The following VAV3 variants were observed in gnomAD, a reference collection of about 807,000 sequenced individuals.
The protein encoded by VAV3 is guanine nucleotide exchange factor VAV3.
A neutral mutation model predicts 131.2 loss-of-function variants in VAV3; 94 were observed. That is an observed-to-expected ratio of 0.72 (90% CI 0.61 to 0.85). VAV3 has a LOEUF of 0.85. VAV3 is among the 40% of genes least tolerant of loss of function. The pLI is 0.00. For missense variants in VAV3, 939 were observed against 1,002.7 expected (o/e 0.94, Z 0.86); for synonymous variants, 349 against 342.0 (o/e 1.02, Z -0.22).
rs72977607 is a variant in VAV3, at chr1:107,684,895, T to C, written c.1732-1362A>G. Among the ~76,000 whole-genome samples the C allele has an allele frequency of 3.9e-3, 590 of 152,324 alleles. 7 individuals are homozygous for C. Among genetic ancestry groups the C allele is most frequent in the African/African-American group, 0.013 (557 of 41,562 alleles). On this transcript the variant is annotated intron_variant, in intron 18 of 26. Coordinates refer to ENST00000370056, the MANE Select transcript of VAV3 (RefSeq NM_006113.5). ...CTGAAATTTTATAATTTAGAGGAAC[T>C]CTATATAAACAACATCGAACAACAC...
intron 2 of VAV3, among the ~76,000 whole-genome samples, chr1:107,834,558 C>G (rs1310874977): frequency 6.6e-6 from 1 of 151,702 alleles, no homozygotes; most frequent in Non-Finnish European, 1.5e-5. Context: ...ATGGAATAGT[C>G]ATCATGACAG....
chr1:107,841,633 C>T (rs1003268072), intron 2 of VAV3, among the ~76,000 whole-genome samples: 3 of 152,040 alleles, frequency 2.0e-5, no homozygotes, highest in East Asian at 1.9e-4. Flanking sequence ...ACTTTAACTG[C>T]GATGGGAAGT....
chr1:107,773,612 T>G, intron 4 of VAV3, among the ~76,000 whole-genome samples: 1 of 152,090 alleles, frequency 6.6e-6, no homozygotes, highest in East Asian at 1.9e-4. Flanking sequence ...CAACCAGACT[T>G]GGTGAACACT....
chr1:107,633,387 C>T (rs6672596), intron 20 of VAV3, among the ~76,000 whole-genome samples: 20,775 of 152,116 alleles, frequency 0.14, 1,508 homozygotes, highest in Non-Finnish European at 0.16. Flanking sequence ...ACTTTGCAAG[C>T]CACTTATACG....
chr1:107,617,003 T>C (rs1256658682), intron 21 of VAV3, among the ~76,000 whole-genome samples: 3 of 152,184 alleles, frequency 2.0e-5, no homozygotes, highest in African/African-American at 7.2e-5. Context: ...ACATTTTAGG[T>C]TACATTCACC....
chr1:107,646,963 T>A (rs572879111), intron 19 of VAV3, among the ~76,000 whole-genome samples: 2 of 151,834 alleles, frequency 1.3e-5, no homozygotes, highest in Non-Finnish European at 2.9e-5. Context: ...AAATGACACA[T>A]GTGCTTTTTT....
chr1:107,723,077 C>T (rs2494043), intron 15 of VAV3, among the ~76,000 whole-genome samples: 140,986 of 152,218 alleles, frequency 0.93, 65,368 homozygotes, highest in East Asian at 1. Flanking sequence ...TATTTGTAAA[C>T]TTTGTTTCAC....
At chr1:107,803,879 T>G (rs1666940661) in intron 2 of VAV3, among the ~76,000 whole-genome samples, 1 of 152,042 alleles carries the variant, frequency 6.6e-6, no homozygotes, top group Non-Finnish European at 1.5e-5. Context: ...TTTATTGCAA[T>G]CTATCTCTCC....
chr1:107,803,558 C>T (rs1666923749), intron 2 of VAV3, among the ~76,000 whole-genome samples: 1 of 151,970 alleles, frequency 6.6e-6, no homozygotes, highest in Admixed American at 6.6e-5. Context: ...TGTCTCATTT[C>T]AGAGAGGTTC....
At chr1:107,742,235 C>CTT (rs11412324) in intron 15 of VAV3, among the ~76,000 whole-genome samples, 73 of 151,512 alleles carry the variant, frequency 4.8e-4, no homozygotes, top group African/African-American at 1.6e-3. Flanking sequence ...CTCATCAAGT[C>CTT]TTTTTTTTTC....
At chr1:107,757,181 G>A (rs112898806) in intron 11 of VAV3, 80 bp downstream of exon 11, 15 of 859,694 alleles carry the variant, frequency 1.7e-5, no homozygotes, top group African/African-American at 1.6e-4. Context: ...GTGTGTGTGT[G>A]TGTGTGTATG....
intron 2 of VAV3, among the ~76,000 whole-genome samples, chr1:107,833,696 G>A (rs1253210803): frequency 6.6e-6 from 1 of 152,136 alleles, no homozygotes; most frequent in East Asian, 1.9e-4. Flanking sequence ...TTTATGACGT[G>A]TGGTCAGTGC....
chr1:107,641,387 T>C (rs1431409600), intron 20 of VAV3, among the ~76,000 whole-genome samples: 1 of 152,226 alleles, frequency 6.6e-6, no homozygotes, highest in Non-Finnish European at 1.5e-5. Context: ...CTGTTGGTCC[T>C]CACTTATTTT....
chr1:107,813,347 C>A (rs2102337064), intron 2 of VAV3, among the ~76,000 whole-genome samples: 1 of 152,256 alleles, frequency 6.6e-6, no homozygotes, highest in Non-Finnish European at 1.5e-5. Flanking sequence ...ATGAGCAAAG[C>A]AAACTTACTC....
In VAV3 at chr1:107,964,966, A is replaced by C; in HGVS notation, c.-97T>G. On this transcript the variant is annotated 5_prime_UTR_variant, in exon 1 of 27. Transcript: ENST00000370056. ...GTTCCTCCGCGCCCCGCCGACGCCA[A>C]CAGCCGCCGGCCCTTTCCCCGCGCG... 9.6e-7 allele frequency: 1 copy of C among 1,046,810 alleles called. No individual in the cohort carries two copies. Among genetic ancestry groups the C allele is most frequent in the Non-Finnish European group, 1.2e-6 (1 of 831,066 alleles). 64.8% of individuals were successfully genotyped at this position (1,046,810 alleles called of 1,614,324 possible). A position where few individuals can be genotyped will look rare whatever the true frequency, so the allele number is the denominator to read the frequency against.
intron 1 of VAV3, among the ~76,000 whole-genome samples, chr1:107,891,968 T>C (rs1047409913): frequency 6.6e-6 from 1 of 151,962 alleles, no homozygotes; most frequent in Non-Finnish European, 1.5e-5. Flanking sequence ...AAAATGTAGA[T>C]GATTCTATCT....
intron 2 of VAV3, among the ~76,000 whole-genome samples, chr1:107,867,764 T>G (rs1670067655): frequency 6.6e-6 from 1 of 152,134 alleles, no homozygotes; most frequent in Non-Finnish European, 1.5e-5. Flanking sequence ...GGAAGCTGGC[T>G]AATTTGTGGG....
At chr1:107,839,142 T>C (rs1668590292) in intron 2 of VAV3, among the ~76,000 whole-genome samples, 1 of 152,260 alleles carries the variant, frequency 6.6e-6, no homozygotes, top group East Asian at 1.9e-4. Flanking sequence ...ACTGTAGTAG[T>C]CAAATGCATA....
intron 17 of VAV3, among the ~76,000 whole-genome samples, chr1:107,696,601 C>T (rs540499109): frequency 1.3e-5 from 2 of 152,232 alleles, no homozygotes; most frequent in East Asian, 1.9e-4. Flanking sequence ...CTATGTTAAA[C>T]ATTATTGCTA....
Sources: allele counts gnomAD v4.1 joint callset (sites outside exome capture counted in the v4.1 genomes callset), GRCh38; gene constraint gnomAD v4.1.1; transcripts MANE v1.5; gene names NCBI Gene and HGNC (gene_info 2026-07-23, HGNC 2026-07-21).